Variants in RIPOR1 observed in about 807,000 individuals in gnomAD.
The protein encoded by RIPOR1 is RHO family interacting cell polarization regulator 1, also known as rho family-interacting cell polarization regulator 1.
A neutral mutation model predicts 116.5 loss-of-function variants in RIPOR1; 58 were observed. The observed-to-expected ratio is 0.50, with a 90% CI of 0.40 to 0.62. RIPOR1 has a LOEUF of 0.62. Among genes scored for constraint, RIPOR1 ranks in the 20% least tolerant of loss-of-function variants. The pLI is 0.00. For missense variants in RIPOR1, 1,372 were observed against 1,586.2 expected (o/e 0.86, Z 2.29); for synonymous variants, 605 against 650.0 (o/e 0.93, Z 1.05).
At position 67,537,493 on chromosome 16, in the gene RIPOR1, C is replaced by G. The variant is rs1106516; in HGVS notation, c.-23-931C>G. The stretch of plus-strand genomic sequence containing the variant: ...GAGCCAGAGCCGCTGGGAGCGAGCC[C>G]GGAGCCCAGCCGGGCGGCTCGAAGT... On this transcript the variant is annotated intron_variant, in intron 1 of 21. Transcript: ENST00000042381. This position sits in a 1 kb window ranked among gnomAD's most constrained non-coding sequence, Gnocchi z 4.6. The G allele has an allele frequency of 9.5e-3, 12,008 of 1,263,870 alleles. 831 individuals are homozygous for G. In the African/African-American group the frequency reaches 0.16, roughly 16 times the overall value. 78.3% of individuals were successfully genotyped at this position (1,263,870 alleles called of 1,614,324 possible).
rs1371343296 is a variant in RIPOR1 at position 67,541,870 on chromosome 16, A to G, written c.1084A>G (p.Met362Val). The G allele has an allele frequency of 6.2e-7, 1 of 1,609,992 alleles. No homozygotes were observed. The highest frequency in any genetic ancestry group is 2.2e-5 in the East Asian group (1 of 44,792). The change falls in exon 13 of 22, where the codon ATG becomes GTG. Residue 362 changes from methionine (M) to valine (V), a missense_variant. By Grantham distance (21) the Met-to-Val change is conservative. Around this residue, in one of 3 missense-constraint regions of RIPOR1, gnomAD observed 1,005 missense variants for 1,144.7 expected, o/e 0.88. Transcript: ENST00000042381. The surrounding 1 kb of genome is among the most constrained non-coding windows in gnomAD (Gnocchi z 4.6). ...PSLREQAFYN[M>V]LRRQEELENG... ...AATGCCCTCTCCTCTTTCTCAGAACATGCTGCGACGGCAGGAGGAGCTGGA... is the reference window on the plus strand; with the variant it reads ...AATGCCCTCTCCTCTTTCTCAGAACGTGCTGCGACGGCAGGAGGAGCTGGA...
rs563251225 is a variant in RIPOR1, at chr16:67,538,034, G to C, written c.-23-390G>C. 5.5e-3 allele frequency: 1,156 copies of C among 211,430 alleles called. 19 individuals are homozygous for C. Among genetic ancestry groups the C allele is most frequent in the African/African-American group, 0.025 (1,104 of 43,788 alleles). The allele number at this position is 211,430 out of a possible 1,614,324, so 13.1% of individuals were successfully genotyped here. On this transcript the variant is annotated intron_variant, in intron 1 of 21. Transcript: ENST00000042381. The stretch of plus-strand genomic sequence containing the variant: ...CCCCGAGCTCCGGGTGCCCTGGGGG[G>C]GGAAATCGGGGGCAGGGCTGGGGAG...
At chr16:67,527,438 G>A (rs1029820493), upstream of RIPOR1, among the ~76,000 whole-genome samples, 2 of 151,634 alleles carry the variant, frequency 1.3e-5, no homozygotes, top group Non-Finnish European at 2.9e-5. Flanking sequence ...GGAAGCCCAA[G>A]AGGAGGGGCT....
chr16:67,531,687 G>C lies in RIPOR1; in HGVS notation c.-24+2773G>C. The stretch of plus-strand genomic sequence containing the variant: ...GAGAAAGCAGGGGACTGGGAGGAGA[G>C]GAGTGGTTGAAAGAATGTGAGGGAC... On this transcript the variant is annotated intron_variant, in intron 1 of 21. Coordinates refer to ENST00000042381, the MANE Select transcript of RIPOR1 (RefSeq NM_024519.4). The surrounding 1 kb of genome is among the most constrained non-coding windows in gnomAD (Gnocchi z 4.2). 6.7e-6 allele frequency: 3 copies of C among 445,526 alleles called. No individual in the cohort carries two copies. The highest frequency in any genetic ancestry group is 3.2e-5 in the South Asian group (2 of 63,208). 27.6% of individuals were successfully genotyped at this position (445,526 alleles called of 1,614,324 possible).
intron 6 of RIPOR1, 64 bp from the exon 7 acceptor site, chr16:67,539,989 T>C (rs1350392711): frequency 6.2e-7 from 1 of 1,613,568 alleles, no homozygotes; most frequent in Non-Finnish European, 8.5e-7. Flanking sequence ...TGAGCAACCT[T>C]AGAGGTGAGT....
Position 67,544,623 on chromosome 16 carries a change from A to G in RIPOR1, c.2734-72A>G, listed in dbSNP as rs2051105218. ...CCAACCTCCCCCAGTGCATGCTGGG[A>G]CTTGTCCCTGAGCACGATCCTCCCG... is the stretch of plus-strand genomic sequence containing the variant. On this transcript the variant is annotated intron_variant, in intron 15 of 21. Transcript: ENST00000042381. The surrounding 1 kb of genome is among the most constrained non-coding windows in gnomAD (Gnocchi z 5.1). 6.3e-7 allele frequency: 1 copy of G among 1,598,532 alleles called. No individual in the cohort carries two copies.
At chr16:67,520,297 C>T (rs1215349157) in intron 1 of RIPOR1, among the ~76,000 whole-genome samples, 2 of 151,138 alleles carry the variant, frequency 1.3e-5, no homozygotes, top group African/African-American at 4.9e-5. Context: ...GGGAGGATCA[C>T]TTGAGCCTGG....
chr16:67,533,327 G>C (rs2050709834), intron 1 of RIPOR1, among the ~76,000 whole-genome samples: 1 of 152,128 alleles, frequency 6.6e-6, no homozygotes, highest in South Asian at 2.1e-4. Flanking sequence ...GAGTGGCTTG[G>C]GTGGAGGAGA....
In RIPOR1 at chr16:67,546,244, G is replaced by A; in HGVS notation, c.3562+13G>A. 8 of 1,613,670 alleles carry A rather than the reference G, an allele frequency of 5.0e-6. No individual in the cohort carries two copies. Among genetic ancestry groups the A allele is most frequent in the Non-Finnish European group, 6.8e-6 (8 of 1,179,684 alleles). ...CTACAGCAGTGTGGTGAGGCTGGGG[G>A]ATGGAAGAGATGGGTGGAGTTCTGG... On this transcript the variant is annotated intron_variant, in intron 21 of 21. Coordinates refer to ENST00000042381, the MANE Select transcript of RIPOR1 (RefSeq NM_024519.4).
In RIPOR1 at chr16:67,546,392, C is replaced by T. The variant is rs367827816; in HGVS notation, c.3589C>T (p.Arg1197Trp). Residue 1197 changes from arginine to tryptophan, a missense_variant, in exon 22 of 22, where the codon CGG becomes TGG. Arg to Trp is a moderately radical substitution (Grantham distance 101). Transcript: ENST00000042381. ...CGEEGQSAHRRLEESLDALPR... is the reference protein window; with the variant it reads ...CGEEGQSAHRWLEESLDALPR... ...AGAAGAGGGACAGTCTGCCCATCGA[C>T]GGCTGGAGGAGTCCCTGGACGCCCT... 6.8e-6 allele frequency: 11 copies of T among 1,613,976 alleles called. No individual in the cohort carries two copies. The highest frequency in any genetic ancestry group is 1.3e-5 in the African/African-American group (1 of 74,918).
chr16:67,518,516 C>A (rs896099590), exon 1 of RIPOR1: 1 of 152,290 alleles, frequency 6.6e-6, no homozygotes, highest in African/African-American at 2.4e-5. Context: ...GGACAGGAGC[C>A]CACCAAGTCC....
chr16:67,539,873 C>A lies in RIPOR1; in HGVS notation c.388C>A (p.Arg130=), dbSNP rs761315124. 8 of 1,614,038 alleles carry A rather than the reference C, an allele frequency of 5.0e-6. No individual in the cohort carries two copies. In the Admixed American group the frequency reaches 6.7e-5, roughly 13 times the overall value. The change falls in exon 6 of 22, where the codon CGA becomes AGA. Residue 130 remains arginine (R), a synonymous_variant. Coordinates refer to ENST00000042381, the MANE Select transcript of RIPOR1 (RefSeq NM_024519.4). ...AGTCAAGTCCATTGAACGCTTCCTG[C>A]GACGACTGGAGTTCCATGCCAGCAA... is the stretch of plus-strand genomic sequence containing the variant. The part of the protein sequence containing the change: ...KQVKSIERFL[R]RLEFHASKID...
intron 1 of RIPOR1, among the ~76,000 whole-genome samples, chr16:67,532,618 A>G (rs987370592): frequency 1.3e-5 from 2 of 152,030 alleles, no homozygotes; most frequent in African/African-American, 2.4e-5. Context: ...AGCTGTTGTT[A>G]TTATTATTAT....
chr16:67,533,974 ATTT>A (rs767462361), intron 1 of RIPOR1, among the ~76,000 whole-genome samples: 172 of 123,416 alleles, frequency 1.4e-3, no homozygotes, highest in African/African-American at 4.8e-3. Context: ...CGCCCGGCTA[ATTT>A]TTTTTTTTTT....
chr16:67,545,388 T>A lies in RIPOR1; in HGVS notation c.3044T>A (p.Phe1015Tyr). ...CTGCCTCCTGCAGTGTGTGTGAAGT[T>A]CCTGGAGGATGCCCTGGGGCAGAAG... ...PGLAEAVCVKFLEDALGQKLP... is the reference protein window; with the variant it reads ...PGLAEAVCVKYLEDALGQKLP... Residue 1015 changes from phenylalanine to tyrosine, a missense_variant, in exon 18 of 22, where the codon TTC (phenylalanine) becomes TAC (tyrosine). Phe to Tyr is a conservative substitution (Grantham distance 22, BLOSUM62 3). This residue lies in a region of RIPOR1 where 1,005 missense variants were observed against 1,144.7 expected (regional missense o/e 0.88). Coordinates refer to ENST00000042381, the MANE Select transcript of RIPOR1 (RefSeq NM_024519.4). This position sits in a 1 kb window ranked among gnomAD's most constrained non-coding sequence, Gnocchi z 4.8. The A allele has an allele frequency of 1.2e-6, 2 of 1,613,956 alleles. No homozygotes were observed. Among genetic ancestry groups the A allele is most frequent in the Non-Finnish European group, 1.7e-6 (2 of 1,179,966 alleles).
In RIPOR1 at chr16:67,539,088, G is replaced by T; in HGVS notation, c.336+20G>T. On this transcript the variant is annotated intron_variant, in intron 4 of 21. Coordinates refer to ENST00000042381, the MANE Select transcript of RIPOR1 (RefSeq NM_024519.4). ...CGCTTGGTGAGTGGCGGGAGGTACG[G>T]ATGCCCTTTGCCTCTTTGGTGTGGA... is the stretch of plus-strand genomic sequence containing the variant. The T allele has an allele frequency of 6.2e-7, 1 of 1,606,974 alleles. No homozygotes were observed. Among genetic ancestry groups the T allele is most frequent in the Non-Finnish European group, 8.5e-7 (1 of 1,176,642 alleles).
rs1217245961 is a variant in RIPOR1, at chr16:67,538,535, A to C, written c.89A>C (p.His30Pro). The C allele has an allele frequency of 6.2e-7, 1 of 1,612,160 alleles. No individual in the cohort carries two copies. Among genetic ancestry groups the C allele is most frequent in the Admixed American group, 1.7e-5 (1 of 59,926 alleles). ...SQSFAGVLGS[H>P]ERGPRSFPVF... ...TCCTTCGCAGGCGTCCTCGGCAGCC[A>C]CGAGCGGGGGCCCAGGTACGCGGCC... The change falls in exon 2 of 22, where the codon CAC becomes CCC. Residue 30 changes from histidine (H) to proline (P), a missense_variant. Physicochemically the swap from His to Pro is moderately conservative, Grantham distance 77. Around this residue, in one of 3 missense-constraint regions of RIPOR1, gnomAD observed 165 missense variants for 145.5 expected, o/e 1.13. Transcript: ENST00000042381.
At chr16:67,525,083 C>A (rs1443310251), upstream of RIPOR1, among the ~76,000 whole-genome samples, 1 of 152,246 alleles carries the variant, frequency 6.6e-6, no homozygotes, top group African/African-American at 2.4e-5. Context: ...CTCTTGCTCC[C>A]CCAGCCTCAG....
chr16:67,544,114 C>T lies in RIPOR1; in HGVS notation c.2601-185C>T, dbSNP rs2051086576. On this transcript the variant is annotated intron_variant, in intron 14 of 21. Coordinates refer to ENST00000042381, the MANE Select transcript of RIPOR1 (RefSeq NM_024519.4). This position sits in a 1 kb window ranked among gnomAD's most constrained non-coding sequence, Gnocchi z 5.1. ...TGGCGCAGACTGACTCCAGAGATCC[C>T]TACTACCACCTGCTGGTCCCAGCCC... Among the ~76,000 whole-genome samples the T allele has an allele frequency of 1.3e-5, 2 of 152,184 alleles. No individual in the cohort carries two copies. Among genetic ancestry groups the T allele is most frequent in the African/African-American group, 4.8e-5 (2 of 41,436 alleles).
Sources: gnomAD v4.1 joint callset for allele counts (sites outside exome capture counted in the v4.1 genomes callset) on GRCh38, gnomAD v4.1.1 for gene constraint, gnomAD v4.1.1 regional missense constraint, Gnocchi (gnomAD v3.1) non-coding constraint, MANE v1.5 for transcripts, NCBI Gene and HGNC (gene_info 2026-07-23, HGNC 2026-07-21) for gene names.